Variants in GPR171 observed in about 807,000 individuals in gnomAD.
The protein encoded by GPR171 is F730001G15Rik.
GPR171 carries 14 observed loss-of-function variants against 16.7 expected under a neutral mutation model. The observed-to-expected ratio is 0.84, with a 90% confidence interval of 0.55 to 1.31. GPR171 has a LOEUF of 1.31. Among genes scored for constraint, GPR171 ranks in the 40% most tolerant of loss-of-function variants. The pLI is 0.00. For synonymous variants in GPR171, 134 were observed against 135.6 expected (o/e 0.99, Z 0.08); for missense variants, 337 against 378.9 (o/e 0.89, Z 0.92).
At chr3:151,200,652 A>G (rs1725418268) in intron 2 of GPR171, among the ~76,000 whole-genome samples, 1 of 152,122 alleles carries the variant, frequency 6.6e-6, no homozygotes, top group Non-Finnish European at 1.5e-5. Flanking sequence ...GATGTACACA[A>G]AGCTTTCTAA....
Position 151,198,502 on chromosome 3 carries a change from C to T in GPR171, c.885G>A (p.Lys295=), listed in dbSNP as rs779139442. 5 of 1,612,500 alleles carry T rather than the reference C, an allele frequency of 3.1e-6. No homozygotes were observed. In the East Asian group the frequency reaches 1.1e-4, roughly 36 times the overall value. ...TAGGTGAGGCAAAAGTCTCAGTGAC[C>T]TTTGAGCGGAATGCTTTTGAGAGGT... ...YYHLSKAFRS[K]VTETFASPKE... The change falls in exon 3 of 3, where the codon AAG becomes AAA. Residue 295 remains lysine, a synonymous_variant. Transcript: ENST00000309180.
In GPR171 at chr3:151,198,975, C is replaced by G; in HGVS notation, c.412G>C (p.Val138Leu). 1 of 1,614,006 alleles carries G rather than the reference C, an allele frequency of 6.2e-7. No homozygotes were observed. The highest frequency in any genetic ancestry group is 1.7e-5 in the Admixed American group (1 of 60,030). ...ATTATAAGAAGGACCATTAGCCACA[C>G]AACGGTTGATATCATTTTGGCAAAT... ...PGFAKMISTVVWLMVLLIMVP... is the reference protein window; with the variant it reads ...PGFAKMISTVLWLMVLLIMVP... The change falls in exon 3 of 3, where the codon GTG (valine) becomes CTG (leucine). Residue 138 changes from valine (V) to leucine (L), a missense_variant. Val to Leu is a conservative substitution (Grantham distance 32). Coordinates refer to ENST00000309180, the MANE Select transcript of GPR171 (RefSeq NM_013308.4).
At position 151,198,342 on chromosome 3, in the gene GPR171, GTT is replaced by G. The variant is rs11431846; in HGVS notation, c.*83_*84del. ...ATTTTTTCATACTGAGTTTTTTTTTGTTTTTTTTTTTTTTATCTTTCAAAGCT... is the reference window on the plus strand; with the variant it reads ...ATTTTTTCATACTGAGTTTTTTTTTGTTTTTTTTTTTTATCTTTCAAAGCT... On this transcript the variant is annotated 3_prime_UTR_variant, in exon 3 of 3. Transcript: ENST00000309180. The G allele has an allele frequency of 1.3e-3, 926 of 688,292 alleles. No individual in the cohort carries two copies. The highest frequency in any genetic ancestry group is 1.6e-3 in the Non-Finnish European group (732 of 471,316). The allele number at this position is 688,292 out of a possible 1,614,324, so 42.6% of individuals were successfully genotyped here.
intron 2 of GPR171, among the ~76,000 whole-genome samples, chr3:151,199,848 T>C (rs567479758): frequency 3.0e-4 from 45 of 152,218 alleles, no homozygotes; most frequent in African/African-American, 1.0e-3. Flanking sequence ...CTTGTTTTAG[T>C]TTTTTGTTTT....
Position 151,199,075 on chromosome 3 carries a change from G to C in GPR171, c.312C>G (p.Phe104Leu). The change falls in exon 3 of 3, where the codon TTC (phenylalanine) becomes TTG (leucine). Residue 104 changes from phenylalanine to leucine, a missense_variant. By Grantham distance (22) the Phe-to-Leu change is conservative. Coordinates refer to ENST00000309180, the MANE Select transcript of GPR171 (RefSeq NM_013308.4). Reference sequence around the variant, plus strand: ...AGCGGTCAATGCTGACAAATGCTAAGAAGATAATTGATAAATACATATTGA... The same window carrying C: ...AGCGGTCAATGCTGACAAATGCTAACAAGATAATTGATAAATACATATTGA... ...IYINMYLSII[F>L]LAFVSIDRCL... is the part of the protein sequence containing the mutation. 1 of 1,613,904 alleles carries C rather than the reference G, an allele frequency of 6.2e-7. No homozygotes were observed. The highest frequency in any genetic ancestry group is 1.3e-5 in the African/African-American group (1 of 75,030).
At chr3:151,200,833 T>C (rs1009401840) in intron 2 of GPR171, 76 bp downstream of exon 2, 2 of 152,250 alleles carry the variant, frequency 1.3e-5, no homozygotes, top group Non-Finnish European at 2.9e-5. Flanking sequence ...TAACTTCTTA[T>C]CATTTCCATA....
Position 151,199,435 on chromosome 3 carries a change from A to G in GPR171, c.-49T>C. ...GCTTATTGAAAAGAAAAAATTTCTA[A>G]GACTCTGTAAAAGAAACAAGGAAAG... On this transcript the variant is annotated 5_prime_UTR_variant, in exon 3 of 3. Coordinates refer to ENST00000309180, the MANE Select transcript of GPR171 (RefSeq NM_013308.4). 1 of 1,504,826 alleles carries G rather than the reference A, an allele frequency of 6.6e-7. No individual in the cohort carries two copies. The highest frequency in any genetic ancestry group is 8.9e-7 in the Non-Finnish European group (1 of 1,122,232). The allele number at this position is 1,504,826 out of a possible 1,614,324, so 93.2% of individuals were successfully genotyped here. A position where few individuals can be genotyped will look rare whatever the true frequency, so the allele number is the denominator to read the frequency against.
rs1725121659 is a variant in GPR171 at position 151,199,044 on chromosome 3, G to A, written c.343C>T (p.Gln115Ter). ...TAGATCTTGCAGCTGTGTGTCAGCT[G>A]AAGACAGCGGTCAATGCTGACAAAT... The part of the protein sequence containing the change: ...LAFVSIDRCL[Q>*]LTHSCKIYRI... Residue 115 changes from glutamine to a stop codon, truncating the protein, a stop_gained, in exon 3 of 3, where the codon CAG (glutamine) becomes TAG (stop). Coordinates refer to ENST00000309180, the MANE Select transcript of GPR171 (RefSeq NM_013308.4). LOFTEE classifies it high-confidence loss of function. 1 of 1,613,970 alleles carries A rather than the reference G, an allele frequency of 6.2e-7. No individual in the cohort carries two copies. The highest frequency in any genetic ancestry group is 1.1e-5 in the South Asian group (1 of 91,088).
In GPR171 at chr3:151,199,353, T is replaced by C; in HGVS notation, c.34A>G (p.Lys12Glu). Residue 12 changes from lysine to glutamate, a missense_variant, in exon 3 of 3, where the codon AAA (lysine) becomes GAA (glutamate). Physicochemically the swap from Lys to Glu is moderately conservative, Grantham distance 56. Transcript: ENST00000309180. ...TNSSFFCPVY[K>E]DLEPFTYFFY... ...AAATACGTGAATGGCTCCAGATCTT[T>C]ATAAACTGGGCAGAAGAACGAACTG... The C allele has an allele frequency of 6.2e-7, 1 of 1,612,714 alleles. No homozygotes were observed. Among genetic ancestry groups the C allele is most frequent in the South Asian group, 1.1e-5 (1 of 90,908 alleles).
Position 151,198,698 on chromosome 3 carries a change from G to A in GPR171, c.689C>T (p.Thr230Met), listed in dbSNP as rs771589226. 1.6e-5 allele frequency: 26 copies of A among 1,613,786 alleles called. No individual in the cohort carries two copies. Among genetic ancestry groups the A allele is most frequent in the Non-Finnish European group, 2.1e-5 (25 of 1,179,810 alleles). Reference protein sequence around the residue: ...KALINILLVTTGYIICFVPYH... With the variant: ...KALINILLVTMGYIICFVPYH... ...AGGAACAAAGCATATGATGTAGCCC[G>A]TGGTCACTAAAAGTATGTTGATGAG... Residue 230 changes from threonine to methionine, a missense_variant, in exon 3 of 3, where the codon ACG becomes ATG. By Grantham distance (81) the Thr-to-Met change is moderately conservative (BLOSUM62 -1). Transcript: ENST00000309180.
Position 151,198,575 on chromosome 3 carries a change from A to G in GPR171, c.812T>C (p.Leu271Pro), listed in dbSNP as rs1457481963. The change falls in exon 3 of 3, where the codon CTG (leucine) becomes CCG (proline). Residue 271 changes from leucine (L) to proline (P), a missense_variant. By Grantham distance (98) the Leu-to-Pro change is moderately conservative. Coordinates refer to ENST00000309180, the MANE Select transcript of GPR171 (RefSeq NM_013308.4). ...ISLFKAKEATLLLAVSNLCFD... is the reference protein window; with the variant it reads ...ISLFKAKEATPLLAVSNLCFD... ...GCACAGGTTCGACACAGCCAGGAGC[A>G]GTGTAGCCTCTTTGGCTTTGAAGAG... 1 of 1,613,924 alleles carries G rather than the reference A, an allele frequency of 6.2e-7. No homozygotes were observed. Among genetic ancestry groups the G allele is most frequent in the Non-Finnish European group, 8.5e-7 (1 of 1,179,812 alleles).
At position 151,198,509 on chromosome 3, in the gene GPR171, C is replaced by T. The variant is rs199881811; in HGVS notation, c.878G>A (p.Arg293His). ...ILYYHLSKAF[R>H]SKVTETFASP... Reference sequence around the variant, plus strand: ...GGCAAAAGTCTCAGTGACCTTTGAGCGGAATGCTTTTGAGAGGTGATAGTA... The same window carrying T: ...GGCAAAAGTCTCAGTGACCTTTGAGTGGAATGCTTTTGAGAGGTGATAGTA... Residue 293 changes from arginine (R) to histidine (H), a missense_variant, in exon 3 of 3, where the codon CGC (arginine) becomes CAC (histidine). Arg to His is a conservative substitution (Grantham distance 29, BLOSUM62 0). Coordinates refer to ENST00000309180, the MANE Select transcript of GPR171 (RefSeq NM_013308.4). 4.6e-5 allele frequency: 75 copies of T among 1,613,284 alleles called. No individual in the cohort carries two copies. The highest frequency in any genetic ancestry group is 6.7e-5 in the African/African-American group (5 of 74,862).
chr3:151,198,805 G>A lies in GPR171; in HGVS notation c.582C>T (p.Ile194=), dbSNP rs144167414. The change falls in exon 3 of 3, where the codon ATC becomes ATT. Residue 194 remains isoleucine, a synonymous_variant. Transcript: ENST00000309180. ...TTACAAGGCAATTGGATATTAAAAT[G>A]ATGGCTGAGAAATTTAAAAATATTG... ...CVAIFLNFSA[I]ILISNCLVIR... 7.9e-5 allele frequency: 128 copies of A among 1,613,308 alleles called. No homozygotes were observed. In the African/African-American group the frequency reaches 1.5e-3, roughly 19 times the overall value.
At position 151,198,265 on chromosome 3, in the gene GPR171, A is replaced by G; in HGVS notation, c.*162T>C. The G allele has an allele frequency of 1.8e-6, 1 of 547,412 alleles. No individual in the cohort carries two copies. The allele number at this position is 547,412 out of a possible 1,614,324, so 33.9% of individuals were successfully genotyped here. A position where few individuals can be genotyped will look rare whatever the true frequency, so the allele number is the denominator to read the frequency against. On this transcript the variant is annotated 3_prime_UTR_variant, in exon 3 of 3. Coordinates refer to ENST00000309180, the MANE Select transcript of GPR171 (RefSeq NM_013308.4). ...AGCCTAACAATAAAGCTTGACTTGC[A>G]TTTAGAAACAGGATTTCTAAGTAAA...
At position 151,198,776 on chromosome 3, in the gene GPR171, C is replaced by G. The variant is rs753318479; in HGVS notation, c.611G>C (p.Arg204Pro). 1.9e-6 allele frequency: 3 copies of G among 1,613,426 alleles called. No individual in the cohort carries two copies. In the African/African-American group the frequency reaches 4.0e-5, roughly 22 times the overall value. Residue 204 changes from arginine to proline, a missense_variant, in exon 3 of 3, where the codon CGA (arginine) becomes CCA (proline). Coordinates refer to ENST00000309180, the MANE Select transcript of GPR171 (RefSeq NM_013308.4). ...ATTATCTTTGTTTCTGTAGAGCTGTCGAATTACAAGGCAATTGGATATTAA... is the reference window on the plus strand; with the variant it reads ...ATTATCTTTGTTTCTGTAGAGCTGTGGAATTACAAGGCAATTGGATATTAA... ...IILISNCLVIRQLYRNKDNEN... is the reference protein window; with the variant it reads ...IILISNCLVIPQLYRNKDNEN...
chr3:151,198,599 A>C lies in GPR171; in HGVS notation c.788T>G (p.Leu263Arg). 1.2e-6 allele frequency: 2 copies of C among 1,614,008 alleles called. No individual in the cohort carries two copies. The highest frequency in any genetic ancestry group is 1.7e-6 in the Non-Finnish European group (2 of 1,179,930). Residue 263 changes from leucine to arginine, a missense_variant, in exon 3 of 3, where the codon CTC (leucine) becomes CGC (arginine). Coordinates refer to ENST00000309180, the MANE Select transcript of GPR171 (RefSeq NM_013308.4). ...VITDCSTRIS[L>R]FKAKEATLLL... Reference sequence around the variant, plus strand: ...CAGTGTAGCCTCTTTGGCTTTGAAGAGTGAAATCCTGGTTGAGCAATCAGT... The same window carrying C: ...CAGTGTAGCCTCTTTGGCTTTGAAGCGTGAAATCCTGGTTGAGCAATCAGT...
intron 2 of GPR171, among the ~76,000 whole-genome samples, chr3:151,200,092 C>G (rs1725316760): frequency 6.6e-6 from 1 of 152,320 alleles, no homozygotes; most frequent in East Asian, 1.9e-4. Flanking sequence ...CTGACTTCAA[C>G]ACTTGAGTCG....
Position 151,198,356 on chromosome 3 carries a change from T to TA in GPR171, c.*70dup, listed in dbSNP as rs1553738646. On this transcript the variant is annotated 3_prime_UTR_variant, in exon 3 of 3. Coordinates refer to ENST00000309180, the MANE Select transcript of GPR171 (RefSeq NM_013308.4). ...AGTTTTTTTTTGTTTTTTTTTTTTTTATCTTTCAAAGCTATAATTAACTTT... is the reference window on the plus strand; with the variant it reads ...AGTTTTTTTTTGTTTTTTTTTTTTTTAATCTTTCAAAGCTATAATTAACTTT... The TA allele has an allele frequency of 7.3e-5, 83 of 1,131,048 alleles. No individual in the cohort carries two copies. The highest frequency in any genetic ancestry group is 1.2e-4 in the East Asian group (5 of 40,278). The allele number at this position is 1,131,048 out of a possible 1,614,324, so 70.1% of individuals were successfully genotyped here. A position where few individuals can be genotyped will look rare whatever the true frequency, so the allele number is the denominator to read the frequency against.
chr3:151,199,001 C>A lies in GPR171; in HGVS notation c.386G>T (p.Gly129Val). 6.2e-7 allele frequency: 1 copy of A among 1,614,046 alleles called. No homozygotes were observed. The highest frequency in any genetic ancestry group is 8.5e-7 in the Non-Finnish European group (1 of 1,180,018). The change falls in exon 3 of 3, where the codon GGA becomes GTA. Residue 129 changes from glycine to valine, a missense_variant. Coordinates refer to ENST00000309180, the MANE Select transcript of GPR171 (RefSeq NM_013308.4). ...AACGGTTGATATCATTTTGGCAAAT[C>A]CGGGTTCTTGTATTCGGTAGATCTT... Reference protein sequence around the residue: ...SCKIYRIQEPGFAKMISTVVW... With the variant: ...SCKIYRIQEPVFAKMISTVVW...
Sources: gnomAD v4.1 joint callset for allele counts (sites outside exome capture counted in the v4.1 genomes callset) on GRCh38, gnomAD v4.1.1 for gene constraint, MANE v1.5 for transcripts, NCBI Gene and HGNC (gene_info 2026-07-23, HGNC 2026-07-21) for gene names.